The following FBXL17 variants were observed in gnomAD, a reference collection of about 807,000 sequenced individuals.
FBXL17 encodes the protein F-box and leucine rich repeat protein 17, also known as F-box/LRR-repeat protein 17.
In FBXL17, 22 loss-of-function variants were observed where a neutral mutation model predicts 66.2. That is an observed-to-expected ratio of 0.33 (90% CI 0.24 to 0.47). FBXL17 has a LOEUF of 0.47. FBXL17 is among the 20% of genes least tolerant of loss of function. FBXL17 has a pLI of 1.00. For synonymous variants in FBXL17, 474 were observed against 400.5 expected (o/e 1.18, Z -2.19); for missense variants, 878 against 948.2 (o/e 0.93, Z 0.97).
intron 4 of FBXL17, among the ~76,000 whole-genome samples, chr5:108,333,043 A>G (rs1046835104): frequency 1.5e-5 from 2 of 136,794 alleles, no homozygotes; most frequent in African/African-American, 7.0e-5. Flanking sequence ...TAGATATAAA[A>G]TCTTATATAA....
chr5:108,032,558 C>A (rs1193269224), intron 6 of FBXL17, among the ~76,000 whole-genome samples: 1 of 152,018 alleles, frequency 6.6e-6, no homozygotes, highest in Non-Finnish European at 1.5e-5. Flanking sequence ...AGATTTGACA[C>A]TGACAGAGAA....
At chr5:108,107,195 C>T (rs1402511595) in intron 6 of FBXL17, among the ~76,000 whole-genome samples, 2 of 152,036 alleles carry the variant, frequency 1.3e-5, no homozygotes, top group Non-Finnish European at 2.9e-5. Flanking sequence ...CCTCAGCCTC[C>T]CGAGTAGCTG....
chr5:107,995,604 C>A (rs1380748897), intron 7 of FBXL17, among the ~76,000 whole-genome samples: 2 of 152,008 alleles, frequency 1.3e-5, no homozygotes, highest in Admixed American at 6.6e-5. Flanking sequence ...CAAATCAACT[C>A]AAATTTCTGA....
intron 4 of FBXL17, among the ~76,000 whole-genome samples, chr5:108,241,562 A>G (rs1172923285): frequency 6.6e-6 from 1 of 152,184 alleles, no homozygotes. Context: ...AGAGAGAGAG[A>G]GCAGTAGAAA....
chr5:108,084,642 T>C (rs286782), intron 6 of FBXL17, among the ~76,000 whole-genome samples: 6,855 of 152,310 alleles, frequency 0.045, 533 homozygotes, highest in African/African-American at 0.15. Flanking sequence ...TTTTATCTCA[T>C]AGGTTTCAAA....
chr5:108,148,394 C>T (rs1273165346), intron 6 of FBXL17, among the ~76,000 whole-genome samples: 2 of 152,166 alleles, frequency 1.3e-5, no homozygotes, highest in Non-Finnish European at 2.9e-5. Context: ...ATTTCTTTTG[C>T]CTTGCTTCTG....
chr5:108,096,115 A>C (rs2149935176), intron 6 of FBXL17, among the ~76,000 whole-genome samples: 1 of 152,352 alleles, frequency 6.6e-6, no homozygotes, highest in South Asian at 2.1e-4. Flanking sequence ...GTCCAAAAAA[A>C]GTGAATGATT....
At chr5:108,216,675 A>AG (rs1754611420) in intron 5 of FBXL17, among the ~76,000 whole-genome samples, 2 of 152,074 alleles carry the variant, frequency 1.3e-5, no homozygotes, top group South Asian at 2.1e-4. Flanking sequence ...AGCTTGCCTT[A>AG]GGTAGATAAC....
intron 8 of FBXL17, chr5:107,878,709 A>G (rs1284692318): frequency 9.1e-6 from 9 of 985,362 alleles, no homozygotes; most frequent in African/African-American, 1.7e-5. Context: ...TTTCCATCCA[A>G]CTAAACCAAC....
At chr5:108,217,264 T>C (rs1190467493) in intron 5 of FBXL17, among the ~76,000 whole-genome samples, 1 of 152,062 alleles carries the variant, frequency 6.6e-6, no homozygotes, top group African/African-American at 2.4e-5. Context: ...CGCTCTAACC[T>C]CACCTTTGAC....
Position 108,297,966 on chromosome 5 carries a change from T to C in FBXL17, c.1506+50433A>G, listed in dbSNP as rs1275772158. On this transcript the variant is annotated intron_variant, in intron 4 of 8. Coordinates refer to ENST00000542267, the MANE Select transcript of FBXL17 (RefSeq NM_001163315.3). ...GCATTATATTCTCCATTTATAAAAA[T>C]GGCATATGACCCAACTGACTGAATT... 1.9e-5 allele frequency: 19 copies of C among 977,442 alleles called. No individual in the cohort carries two copies. The East Asian group carries it at 1.3e-3, about 65-fold the overall frequency. The allele number at this position is 977,442 out of a possible 1,614,324, so 60.5% of individuals were successfully genotyped here.
chr5:108,000,520 C>G (rs1014589412), intron 7 of FBXL17, among the ~76,000 whole-genome samples: 1 of 152,152 alleles, frequency 6.6e-6, no homozygotes. Flanking sequence ...CAATATTTTA[C>G]AAATGACAAT....
At chr5:108,098,238 T>C (rs1283917091) in intron 6 of FBXL17, among the ~76,000 whole-genome samples, 1 of 152,036 alleles carries the variant, frequency 6.6e-6, no homozygotes, top group Non-Finnish European at 1.5e-5. Flanking sequence ...CTATGAATCA[T>C]AGTTTTTTTC....
chr5:107,919,516 CT>C (rs1750241989), intron 7 of FBXL17, among the ~76,000 whole-genome samples: 1 of 152,294 alleles, frequency 6.6e-6, no homozygotes, highest in South Asian at 2.1e-4. Flanking sequence ...GCCATAAAGG[CT>C]TTTTACACGC....
At chr5:108,247,620 A>G (rs1756161008) in intron 4 of FBXL17, among the ~76,000 whole-genome samples, 1 of 152,194 alleles carries the variant, frequency 6.6e-6, no homozygotes, top group South Asian at 2.1e-4. Flanking sequence ...TTAAATATAA[A>G]TAAGTCTTTA....
intron 7 of FBXL17, among the ~76,000 whole-genome samples, chr5:107,892,899 A>G (rs1011294636): frequency 3.9e-5 from 6 of 152,218 alleles, no homozygotes; most frequent in Non-Finnish European, 7.4e-5. Flanking sequence ...CAGTTTTGAT[A>G]GTTTAGTAGA....
At chr5:107,959,745 T>C (rs765034324) in intron 7 of FBXL17, among the ~76,000 whole-genome samples, 29 of 152,198 alleles carry the variant, frequency 1.9e-4, no homozygotes, top group Non-Finnish European at 3.1e-4. Flanking sequence ...CTGGCCTTGA[T>C]TGACACAGAA....
At chr5:108,330,634 C>G (rs950838557) in intron 4 of FBXL17, among the ~76,000 whole-genome samples, 1 of 151,724 alleles carries the variant, frequency 6.6e-6, no homozygotes, top group East Asian at 1.9e-4. Context: ...ACCAAGGGAA[C>G]AAAAAAAACT....
intron 5 of FBXL17, among the ~76,000 whole-genome samples, chr5:108,198,830 C>T (rs145685553): frequency 1.5e-3 from 227 of 152,176 alleles, no homozygotes; most frequent in African/African-American, 5.3e-3. Context: ...AATGACTATG[C>T]TACAGGGAGT....
Sources: allele counts gnomAD v4.1 joint callset (sites outside exome capture counted in the v4.1 genomes callset), GRCh38; gene constraint gnomAD v4.1.1; transcripts MANE v1.5; gene names NCBI Gene and HGNC (gene_info 2026-07-23, HGNC 2026-07-21).